Variants in ZNF181 observed in about 807,000 individuals in gnomAD.
ZNF181 encodes the protein zinc finger protein 181, also known as zinc finger protein 181 (HHZ181).
A neutral mutation model predicts 11.9 loss-of-function variants in ZNF181; 8 were observed. That is an observed-to-expected ratio of 0.67 (90% CI 0.39 to 1.21). The LOEUF (loss-of-function observed/expected upper bound fraction) is 1.21, where lower values mean the gene tolerates loss of function less well. Among genes scored for constraint, ZNF181 ranks in the 50% most tolerant of loss-of-function variants. The pLI, the probability that ZNF181 is intolerant of heterozygous loss-of-function variation, is 0.01. For synonymous variants in ZNF181, 202 were observed against 221.1 expected, an observed-to-expected ratio of 0.91 and a Z score of 0.77; for missense variants, 542 against 670.9, an observed-to-expected ratio of 0.81 and a Z score of 2.12.
At position 34,741,338 on chromosome 19, in the gene ZNF181, A is replaced by G; in HGVS notation, c.957A>G (p.Lys319=). 6.2e-7 allele frequency: 1 copy of G among 1,613,902 alleles called. No homozygotes were observed. Among genetic ancestry groups the G allele is most frequent in the Non-Finnish European group, 8.5e-7 (1 of 1,179,824 alleles). ...TNHQSTHTGE[K]PYECMNCGKS... ...ATCAGAGCACTCACACTGGAGAGAA[A>G]CCATATGAATGTATGAACTGTGGAA... The change falls in exon 4 of 4, where the codon AAA becomes AAG. Residue 319 remains lysine, a synonymous_variant. Transcript: ENST00000492450.
In ZNF181 at chr19:34,740,951, G is replaced by T. The variant is rs1335889620; in HGVS notation, c.570G>T (p.Lys190Asn). 2 of 1,613,646 alleles carry T rather than the reference G, an allele frequency of 1.2e-6. No individual in the cohort carries two copies. Among genetic ancestry groups the T allele is most frequent in the Non-Finnish European group, 1.7e-6 (2 of 1,179,848 alleles). Residue 190 changes from lysine to asparagine, a missense_variant, in exon 4 of 4, where the codon AAG (lysine) becomes AAT (asparagine). Lys to Asn is a moderately conservative substitution (Grantham distance 94). Coordinates refer to ENST00000492450, the MANE Select transcript of ZNF181 (RefSeq NM_001029997.4). ...GNSHKYDILKKNLPKKSVIKN... is the reference protein window; with the variant it reads ...GNSHKYDILKNNLPKKSVIKN... ...CACACAAATATGATATATTAAAGAA[G>T]AACTTACCAAAAAAGTCAGTTATAA... is the stretch of plus-strand genomic sequence containing the variant.
intron 1 of ZNF181, chr19:34,736,334 A>G (rs1214177415): frequency 1.6e-6 from 1 of 613,186 alleles, no homozygotes; most frequent in Non-Finnish European, 2.9e-6. Flanking sequence ...TGAGTTGAGA[A>G]AATTTCTTGA....
At chr19:34,738,987 A>G (rs1313872939) in intron 1 of ZNF181, among the ~76,000 whole-genome samples, 161 bp from the exon 2 acceptor site, 30 of 152,212 alleles carry the variant, frequency 2.0e-4, no homozygotes, top group Non-Finnish European at 1.5e-4. Context: ...TTCCAACTAC[A>G]TAACTGTCCT....
Position 34,740,722 on chromosome 19 carries a change from T to C in ZNF181, c.341T>C (p.Phe114Ser), listed in dbSNP as rs768295373. Residue 114 changes from phenylalanine to serine, a missense_variant, in exon 4 of 4, where the codon TTT becomes TCT. Physicochemically the swap from Phe to Ser is radical, Grantham distance 155. Coordinates refer to ENST00000492450, the MANE Select transcript of ZNF181 (RefSeq NM_001029997.4). Reference sequence around the variant, plus strand: ...AAAGTTGTAAAACAAAGTTATGAATTTTCAAATTCTAAGAAGAATTTGGAA... The same window carrying C: ...AAAGTTGTAAAACAAAGTTATGAATCTTCAAATTCTAAGAAGAATTTGGAA... Reference protein sequence around the residue: ...IEKVVKQSYEFSNSKKNLEYI... With the variant: ...IEKVVKQSYESSNSKKNLEYI... The C allele has an allele frequency of 1.2e-6, 2 of 1,613,450 alleles. No homozygotes were observed. The highest frequency in any genetic ancestry group is 1.7e-6 in the Non-Finnish European group (2 of 1,179,748).
At chr19:34,737,849 G>A (rs951321973) in intron 1 of ZNF181, among the ~76,000 whole-genome samples, 4 of 152,178 alleles carry the variant, frequency 2.6e-5, no homozygotes, top group African/African-American at 4.8e-5. Flanking sequence ...TAGGGATTGC[G>A]CTCCTATGAG....
chr19:34,740,348 T>C (rs1367346236), intron 3 of ZNF181, among the ~76,000 whole-genome samples: 1 of 152,232 alleles, frequency 6.6e-6, no homozygotes, highest in Non-Finnish European at 1.5e-5. Flanking sequence ...TTCTGATAAC[T>C]TCCTTTTTTT....
In ZNF181 at chr19:34,734,644, T is replaced by G. The variant is rs2068860871; in HGVS notation, c.-394T>G. The G allele has an allele frequency of 4.7e-6, 1 of 213,864 alleles. No homozygotes were observed. Among genetic ancestry groups the G allele is most frequent in the Non-Finnish European group, 9.4e-6 (1 of 106,760 alleles). 13.2% of individuals were successfully genotyped at this position (213,864 alleles called of 1,614,324 possible). The stretch of plus-strand genomic sequence containing the variant: ...ACCTTGAACAAATGGGTTCAGTATC[T>G]TGGAATTTCAGTTTTGTCATCGTTT... On this transcript the variant is annotated 5_prime_UTR_variant, in exon 1 of 4. Coordinates refer to ENST00000492450, the MANE Select transcript of ZNF181 (RefSeq NM_001029997.4).
intron 1 of ZNF181, 123 bp from the exon 2 acceptor site, chr19:34,739,025 C>T: frequency 1.4e-6 from 2 of 1,423,108 alleles, no homozygotes; most frequent in South Asian, 1.3e-5. Flanking sequence ...ATCACATTCC[C>T]AATCATTGCC....
chr19:34,739,757 G>T, intron 3 of ZNF181, 136 bp downstream of exon 3: 1 of 884,234 alleles, frequency 1.1e-6, no homozygotes, highest in Non-Finnish European at 1.7e-6. Context: ...GAAAAATTGT[G>T]GGATATTTAG....
At position 34,741,512 on chromosome 19, in the gene ZNF181, T is replaced by G; in HGVS notation, c.1131T>G (p.Tyr377Ter). ...AAATCCATACTGGAGAGAAGCCTTA[T>G]GAATGTAGAGAATGTGGGAAAGCTT... ...HQKIHTGEKP[Y>*]ECRECGKAFC... The change falls in exon 4 of 4, where the codon TAT becomes TAG. Residue 377 changes from tyrosine (Y) to a stop codon, truncating the protein, a stop_gained. Transcript: ENST00000492450. LOFTEE classifies it low-confidence loss of function (END_TRUNC). 6.2e-7 allele frequency: 1 copy of G among 1,613,922 alleles called. No homozygotes were observed. Among genetic ancestry groups the G allele is most frequent in the Non-Finnish European group, 8.5e-7 (1 of 1,179,930 alleles).
intron 3 of ZNF181, 44 bp downstream of exon 3, chr19:34,739,665 G>T: frequency 6.2e-7 from 1 of 1,604,228 alleles, no homozygotes; most frequent in Non-Finnish European, 8.5e-7. Context: ...TGTTAAAAAG[G>T]GTCCCAAACT....
chr19:34,739,321 C>A, intron 2 of ZNF181, 53 bp downstream of exon 2: 1 of 1,605,570 alleles, frequency 6.2e-7, no homozygotes, highest in Non-Finnish European at 8.5e-7. Context: ...TTTTGCCACC[C>A]TGAATTGCTG....
chr19:34,737,822 G>A (rs1356313656), intron 1 of ZNF181, among the ~76,000 whole-genome samples: 1 of 152,178 alleles, frequency 6.6e-6, no homozygotes, highest in East Asian at 1.9e-4. Context: ...TTAATCCCTT[G>A]CATGCGCACT....
At position 34,740,943 on chromosome 19, in the gene ZNF181, T is replaced by C. The variant is rs906749373; in HGVS notation, c.562T>C (p.Leu188=). Reference sequence around the variant, plus strand: ...AGGGAATTCACACAAATATGATATATTAAAGAAGAACTTACCAAAAAAGTC... The same window carrying C: ...AGGGAATTCACACAAATATGATATACTAAAGAAGAACTTACCAAAAAAGTC... ...AEGNSHKYDI[L]KKNLPKKSVI... The change falls in exon 4 of 4, where the codon TTA becomes CTA. Residue 188 remains leucine, a synonymous_variant. Coordinates refer to ENST00000492450, the MANE Select transcript of ZNF181 (RefSeq NM_001029997.4). 6.2e-7 allele frequency: 1 copy of C among 1,613,640 alleles called. No individual in the cohort carries two copies. Among genetic ancestry groups the C allele is most frequent in the African/African-American group, 1.3e-5 (1 of 74,940 alleles).
chr19:34,734,473 C>T lies in ZNF181; in HGVS notation c.-565C>T, dbSNP rs1205296575. 1 of 153,302 alleles carries T rather than the reference C, an allele frequency of 6.5e-6. No individual in the cohort carries two copies. The highest frequency in any genetic ancestry group is 6.4e-5 in the Admixed American group (1 of 15,508). The allele number at this position is 153,302 out of a possible 1,614,324, so 9.5% of individuals were successfully genotyped here. A position where few individuals can be genotyped will look rare whatever the true frequency, so the allele number is the denominator to read the frequency against. On this transcript the variant is annotated 5_prime_UTR_variant, in exon 1 of 4. Transcript: ENST00000492450. ...CGGCCGGTGCCTTGGTTTTCCTGGCCTTCATGTCCTCCTATGTAAACGCGG... is the reference window on the plus strand; with the variant it reads ...CGGCCGGTGCCTTGGTTTTCCTGGCTTTCATGTCCTCCTATGTAAACGCGG...
intron 1 of ZNF181, chr19:34,736,054 C>G: frequency 1.4e-6 from 1 of 689,990 alleles, no homozygotes. Flanking sequence ...AATCTTTTTT[C>G]TTTTTTGTTG....
intron 1 of ZNF181, chr19:34,736,316 G>C: frequency 1.6e-6 from 1 of 627,278 alleles, no homozygotes; most frequent in African/African-American, 1.8e-5. Flanking sequence ...AGCTATTCGG[G>C]AGGGTGATGA....
rs1041866146 is a variant in ZNF181 at position 34,744,445 on chromosome 19, G to GACA, written c.*2349_*2350insCAA. On this transcript the variant is annotated 3_prime_UTR_variant, in exon 4 of 4. Transcript: ENST00000492450. ...GGAGACCGAGGCAGGAGGATTGCTT[G>GACA]AGGCCAGGAGTTTGAGACCAGCCTG... 6.6e-6 allele frequency: 1 copy of GACA among 151,924 alleles called. No homozygotes were observed. The highest frequency in any genetic ancestry group is 2.4e-5 in the African/African-American group (1 of 41,244). 9.4% of individuals were successfully genotyped at this position (151,924 alleles called of 1,614,324 possible).
At chr19:34,738,997 T>C (rs1270182112) in intron 1 of ZNF181, 151 bp from the exon 2 acceptor site, 5 of 1,114,082 alleles carry the variant, frequency 4.5e-6, no homozygotes, top group Admixed American at 2.8e-5. Flanking sequence ...ATAACTGTCC[T>C]ATTATTACTT....
Sources: allele counts gnomAD v4.1 joint callset (sites outside exome capture counted in the v4.1 genomes callset), GRCh38; gene constraint gnomAD v4.1.1; transcripts MANE v1.5; gene names NCBI Gene and HGNC (gene_info 2026-07-23, HGNC 2026-07-21).